Variants in NR3C1 observed in about 807,000 individuals in gnomAD.
NR3C1 encodes nuclear receptor subfamily 3 group C member 1, also known as glucocorticoid receptor.
Under a neutral mutation model 74.0 loss-of-function variants are expected in NR3C1, and 14 were observed. The ratio of observed to expected loss-of-function variants is 0.19; its 90% CI spans 0.12 to 0.30. The LOEUF (loss-of-function observed/expected upper bound fraction) is 0.30, where lower values mean the gene tolerates loss of function less well. Ranked by LOEUF, NR3C1 falls within the 10% of genes least tolerant of loss-of-function variation. NR3C1 has a pLI of 1.00. For missense variants in NR3C1, 695 were observed against 909.8 expected, an observed-to-expected ratio of 0.76 and a Z score of 3.04; for synonymous variants, 308 against 332.5, an observed-to-expected ratio of 0.93 and a Z score of 0.80.
intron 2 of NR3C1, among the ~76,000 whole-genome samples, chr5:143,365,684 CA>C (rs1833061271): frequency 6.6e-6 from 1 of 152,088 alleles, no homozygotes; most frequent in Non-Finnish European, 1.5e-5. Context: ...ACACTCTACC[CA>C]ACAAAAGCAG....
At chr5:143,415,954 G>A (rs548138059) in intron 1 of NR3C1, among the ~76,000 whole-genome samples, 2 of 152,278 alleles carry the variant, frequency 1.3e-5, no homozygotes, top group South Asian at 4.1e-4. Context: ...CTACTAGCTG[G>A]AGACCCCTCA....
In NR3C1 at chr5:143,422,370, G is replaced by A. The variant is rs574701684; in HGVS notation, c.-14+12162C>T. ...GCCAGGCTGCCTAGGCTACGGGTTC[G>A]TTGTATGACCTTGAGAAAATTATTT... On this transcript the variant is annotated intron_variant, in intron 1 of 8. Transcript: ENST00000343796. 1.1e-4 allele frequency among the ~76,000 whole-genome samples: 17 copies of A among 152,294 alleles called. No homozygotes were observed. The East Asian group carries it at 1.3e-3, about 12-fold the overall frequency.
At chr5:143,383,772 G>C (rs1374039042) in intron 2 of NR3C1, among the ~76,000 whole-genome samples, 1 of 152,186 alleles carries the variant, frequency 6.6e-6, no homozygotes, top group Non-Finnish European at 1.5e-5. Context: ...GAATTTGTTA[G>C]TAATAATGAT....
chr5:143,292,564 G>A (rs1816177152), intron 7 of NR3C1, among the ~76,000 whole-genome samples: 1 of 152,148 alleles, frequency 6.6e-6, no homozygotes, highest in Non-Finnish European at 1.5e-5. Context: ...CCAGAAAAAG[G>A]AGGGAATTTT....
chr5:143,368,375 T>C (rs1407069393), intron 2 of NR3C1, among the ~76,000 whole-genome samples: 1 of 152,108 alleles, frequency 6.6e-6, no homozygotes, highest in Non-Finnish European at 1.5e-5. Context: ...AAAAAATAAA[T>C]TGGACTTCAT....
rs187313686 is a variant in NR3C1, at chr5:143,427,018, T to G, written c.-14+7514A>C. 1.8e-3 allele frequency among the ~76,000 whole-genome samples: 277 copies of G among 152,330 alleles called. 1 individual carries two copies. Among genetic ancestry groups the G allele is most frequent in the Admixed American group, 3.9e-3 (60 of 15,290 alleles). On this transcript the variant is annotated intron_variant, in intron 1 of 8. Transcript: ENST00000343796. ...ACTTAACCTTGTTTATTAAAGCAGG[T>G]CTTTTTCTTCATTTCTGTTCCTTTT... is the stretch of plus-strand genomic sequence containing the variant.
intron 2 of NR3C1, among the ~76,000 whole-genome samples, chr5:143,374,860 A>G (rs1834892468): frequency 6.6e-6 from 1 of 152,178 alleles, no homozygotes; most frequent in African/African-American, 2.4e-5. Flanking sequence ...ATTTGTATGC[A>G]CACATACATG....
At chr5:143,363,983 T>C (rs989869127) in intron 2 of NR3C1, among the ~76,000 whole-genome samples, 1 of 149,066 alleles carries the variant, frequency 6.7e-6, no homozygotes, top group Non-Finnish European at 1.5e-5. Flanking sequence ...AAAGATTATT[T>C]AAAAAAAAAA....
intron 1 of NR3C1, among the ~76,000 whole-genome samples, chr5:143,410,573 T>A (rs1392509219): frequency 1.3e-5 from 2 of 152,206 alleles, no homozygotes; most frequent in Non-Finnish European, 2.9e-5. Context: ...ATTTACTTAC[T>A]TGAATGAGCC....
intron 2 of NR3C1, among the ~76,000 whole-genome samples, chr5:143,362,669 G>GTAAT (rs1177466488): frequency 6.6e-6 from 1 of 152,042 alleles, no homozygotes; most frequent in South Asian, 2.1e-4. Context: ...CCAAAGACTT[G>GTAAT]TAATTAATTA....
chr5:143,406,764 G>A (rs1470610642), upstream of NR3C1, among the ~76,000 whole-genome samples: 2 of 152,094 alleles, frequency 1.3e-5, no homozygotes, highest in Non-Finnish European at 2.9e-5. Context: ...ATATTAAAGT[G>A]GTTTTCCTCA....
At chr5:143,343,543 G>A (rs1207168869) in intron 2 of NR3C1, among the ~76,000 whole-genome samples, 2 of 152,192 alleles carry the variant, frequency 1.3e-5, no homozygotes, top group Non-Finnish European at 2.9e-5. Context: ...CAAACTCAGA[G>A]AAGTTAAATT....
intron 2 of NR3C1, among the ~76,000 whole-genome samples, chr5:143,363,584 A>T (rs935702448): frequency 1.3e-5 from 2 of 151,102 alleles, no homozygotes; most frequent in African/African-American, 4.9e-5. Context: ...AAAAAAATAA[A>T]AAAAAAAAGA....
chr5:143,280,635 T>A lies in NR3C1; in HGVS notation c.*1254A>T, dbSNP rs560039363. The A allele has an allele frequency of 5.9e-5, 9 of 152,726 alleles. No homozygotes were observed. The highest frequency in any genetic ancestry group is 2.2e-4 in the African/African-American group (9 of 41,568). The allele number at this position is 152,726 out of a possible 1,614,324, so 9.5% of individuals were successfully genotyped here. On this transcript the variant is annotated 3_prime_UTR_variant, in exon 9 of 9. Coordinates refer to ENST00000394464, the MANE Select transcript of NR3C1 (RefSeq NM_000176.3). ...GGATGTGTAGTTTTACAAACATGGA[T>A]GTCTGACATACAGTTCTAAATCACA...
At chr5:143,435,246 T>G in exon 1 of NR3C1, 1 of 985,512 alleles carries the variant, frequency 1.0e-6, no homozygotes, top group Non-Finnish European at 1.2e-6. Context: ...GCCCCAGTGC[T>G]TCCGTTGGAC....
At chr5:143,375,706 T>C (rs187980941) in intron 2 of NR3C1, 1 of 152,338 alleles carries the variant, frequency 6.6e-6, no homozygotes, top group East Asian at 1.9e-4. Context: ...TTAGTAACCA[T>C]GCTAACAGCA....
intron 2 of NR3C1, among the ~76,000 whole-genome samples, chr5:143,321,213 C>A (rs1458758204): frequency 6.6e-6 from 1 of 152,140 alleles, no homozygotes; most frequent in Non-Finnish European, 1.5e-5. Flanking sequence ...GTATCTCGAG[C>A]ATCTTTGAAA....
intron 1 of NR3C1, among the ~76,000 whole-genome samples, chr5:143,421,692 T>G (rs1465651548): frequency 2.0e-5 from 3 of 151,986 alleles, no homozygotes; most frequent in Non-Finnish European, 2.9e-5. Flanking sequence ...CTTGGGAGGC[T>G]GAGGCAGGAG....
At chr5:143,359,862 G>A (rs997546980) in intron 2 of NR3C1, among the ~76,000 whole-genome samples, 3 of 152,142 alleles carry the variant, frequency 2.0e-5, no homozygotes, top group East Asian at 1.9e-4. Flanking sequence ...AGGTTGCAGT[G>A]AGCTGAGATC....
Sources: allele counts gnomAD v4.1 joint callset (sites outside exome capture counted in the v4.1 genomes callset), GRCh38; gene constraint gnomAD v4.1.1; transcripts MANE v1.5; gene names NCBI Gene and HGNC (gene_info 2026-07-23, HGNC 2026-07-21).